LEMD2: variants seen among roughly 807,000 people sequenced by gnomAD.
The protein encoded by LEMD2 is LEM domain nuclear envelope protein 2.
A neutral mutation model predicts 58.8 loss-of-function variants in LEMD2; 34 were observed. The ratio of observed to expected loss-of-function variants is 0.58; its 90% CI spans 0.44 to 0.77. The LOEUF (loss-of-function observed/expected upper bound fraction) is 0.77, where lower values mean the gene tolerates loss of function less well. Among genes scored for constraint, LEMD2 ranks in the 30% least tolerant of loss-of-function variants. The probability of loss-of-function intolerance (pLI) is 0.00; values close to 1 mark genes in which losing one functional copy is unlikely to be tolerated. For missense variants in LEMD2, 629 were observed against 717.9 expected, an observed-to-expected ratio of 0.88 and a Z score of 1.42; for synonymous variants, 298 against 308.9, an observed-to-expected ratio of 0.96 and a Z score of 0.37.
At chr6:33,776,767 C>T (rs1561923024) in intron 8 of LEMD2, 187 bp downstream of exon 8, 1 of 617,726 alleles carries the variant, frequency 1.6e-6, no homozygotes, top group Non-Finnish European at 2.9e-6. Context: ...TCTTTTCTAG[C>T]TCATCCTGCC....
In LEMD2 at chr6:33,788,748, A is replaced by G; in HGVS notation, c.369T>C (p.Pro123=). The part of the protein sequence containing the change: ...SWVGSRGLAY[P]ARPAQLRRRA... The stretch of plus-strand genomic sequence containing the variant: ...GGCGCCTGAGTTGCGCCGGGCGGGC[A>G]GGATAGGCGAGGCCGCGGCTCCCTA... Residue 123 remains proline (P), a synonymous_variant, in exon 1 of 9, where the codon CCT becomes CCC. Coordinates refer to ENST00000293760, the MANE Select transcript of LEMD2 (RefSeq NM_181336.4). 9.7e-6 allele frequency: 14 copies of G among 1,439,592 alleles called. No individual in the cohort carries two copies. The highest frequency in any genetic ancestry group is 1.3e-5 in the Non-Finnish European group (14 of 1,098,048). 89.2% of individuals were successfully genotyped at this position (1,439,592 alleles called of 1,614,324 possible).
At chr6:33,780,993 A>C in intron 4 of LEMD2, 84 bp downstream of exon 4, 3 of 949,290 alleles carry the variant, frequency 3.2e-6, no homozygotes, top group Non-Finnish European at 4.9e-6. Context: ...GCAAACAAAA[A>C]ACAAAAACCC....
At chr6:33,775,984 G>T (rs143667613) in intron 8 of LEMD2, among the ~76,000 whole-genome samples, 1 of 152,088 alleles carries the variant, frequency 6.6e-6, no homozygotes, top group Non-Finnish European at 1.5e-5. Flanking sequence ...GCCAACACTG[G>T]GGGGGGCCCT....
intron 3 of LEMD2, among the ~76,000 whole-genome samples, chr6:33,782,664 T>C (rs1158848886): frequency 6.6e-6 from 1 of 152,242 alleles, no homozygotes; most frequent in East Asian, 1.9e-4. Flanking sequence ...TCTTGTCTAA[T>C]CACATTTTAT....
At chr6:33,780,797 G>A (rs972907642) in intron 4 of LEMD2, among the ~76,000 whole-genome samples, 1 of 152,198 alleles carries the variant, frequency 6.6e-6, no homozygotes, top group Non-Finnish European at 1.5e-5. Flanking sequence ...CGAGCAAAGT[G>A]AACCAAGGGA....
In LEMD2 at chr6:33,789,079, A is replaced by G; in HGVS notation, c.38T>C (p.Leu13Pro). Residue 13 changes from leucine (L) to proline (P), a missense_variant, in exon 1 of 9, where the codon CTG becomes CCG. Leu to Pro is a moderately conservative substitution (Grantham distance 98). Transcript: ENST00000293760. ...GLSDLELRRE[L>P]QALGFQPGPI... is the part of the protein sequence containing the mutation. Reference sequence around the variant, plus strand: ...TCCTGGCTGGAAGCCCAGGGCCTGCAGCTCCCGCCGCAGTTCCAGGTCCGA... The same window carrying G: ...TCCTGGCTGGAAGCCCAGGGCCTGCGGCTCCCGCCGCAGTTCCAGGTCCGA... 2 of 1,541,262 alleles carry G rather than the reference A, an allele frequency of 1.3e-6. No individual in the cohort carries two copies. Among genetic ancestry groups the G allele is most frequent in the Non-Finnish European group, 8.7e-7 (1 of 1,153,848 alleles).
At chr6:33,774,229 T>G (rs1767377146) in intron 8 of LEMD2, among the ~76,000 whole-genome samples, 1 of 145,656 alleles carries the variant, frequency 6.9e-6, no homozygotes, top group South Asian at 2.2e-4. Flanking sequence ...TGGAGTGCAG[T>G]GGTGTGATCT....
Position 33,788,645 on chromosome 6 carries a change from C to T in LEMD2, c.472G>A (p.Ala158Thr), listed in dbSNP as rs1220439539. 4.7e-6 allele frequency: 6 copies of T among 1,275,462 alleles called. No homozygotes were observed. In the Admixed American group the frequency reaches 1.3e-4, roughly 27 times the overall value. The allele number at this position is 1,275,462 out of a possible 1,614,324, so 79.0% of individuals were successfully genotyped here. A position where few individuals can be genotyped will look rare whatever the true frequency, so the allele number is the denominator to read the frequency against. The stretch of plus-strand genomic sequence containing the variant: ...GACGCTGCCCACCAGCGGCGGGCCG[C>T]GAGACCCGGGCCCTGCGTGGCCCTG... ...PDRATQGPGL[A>T]ARRWWAASPA... The change falls in exon 1 of 9, where the codon GCG (alanine) becomes ACG (threonine). Residue 158 changes from alanine to threonine, a missense_variant. Ala to Thr is a moderately conservative substitution (Grantham distance 58). Transcript: ENST00000293760.
In LEMD2 at chr6:33,777,272, C is replaced by T. The variant is rs184356006; in HGVS notation, c.1157-33G>A. The T allele has an allele frequency of 1.2e-4, 166 of 1,419,922 alleles. 1 individual carries two copies. In the East Asian group the frequency reaches 3.1e-3, roughly 26 times the overall value. The allele number at this position is 1,419,922 out of a possible 1,614,324, so 88.0% of individuals were successfully genotyped here. A position where few individuals can be genotyped will look rare whatever the true frequency, so the allele number is the denominator to read the frequency against. Reference sequence around the variant, plus strand: ...GGAACAAAACACTGTTAATCCCTCACACTTCATTTGGCAGTGGGTCTCACC... The same window carrying T: ...GGAACAAAACACTGTTAATCCCTCATACTTCATTTGGCAGTGGGTCTCACC... On this transcript the variant is annotated intron_variant, in intron 6 of 8. Coordinates refer to ENST00000293760, the MANE Select transcript of LEMD2 (RefSeq NM_181336.4).
intron 4 of LEMD2, 177 bp from the exon 5 acceptor site, chr6:33,780,356 A>G: frequency 1.5e-6 from 1 of 652,792 alleles, no homozygotes; most frequent in Non-Finnish European, 2.8e-6. Flanking sequence ...AAGCCAAGGA[A>G]GAGGCTATAA....
chr6:33,783,778 T>C (rs540945674), intron 3 of LEMD2, among the ~76,000 whole-genome samples: 1 of 152,298 alleles, frequency 6.6e-6, no homozygotes, highest in South Asian at 2.1e-4. Flanking sequence ...CTCTCATTTG[T>C]AGAGAACAGA....
At chr6:33,788,292 G>C in intron 1 of LEMD2, 89 bp downstream of exon 1, 1 of 1,333,148 alleles carries the variant, frequency 7.5e-7, no homozygotes. Context: ...AAGGCCGGAA[G>C]TGCGCGGCCT....
Position 33,778,496 on chromosome 6 carries a change from T to C in LEMD2, c.1011-109A>G. 1.2e-6 allele frequency: 1 copy of C among 813,920 alleles called. No individual in the cohort carries two copies. Among genetic ancestry groups the C allele is most frequent in the African/African-American group, 1.7e-5 (1 of 57,270 alleles). 50.4% of individuals were successfully genotyped at this position (813,920 alleles called of 1,614,324 possible). A position where few individuals can be genotyped will look rare whatever the true frequency, so the allele number is the denominator to read the frequency against. On this transcript the variant is annotated intron_variant, in intron 5 of 8. Transcript: ENST00000293760. The surrounding 1 kb of genome is among the most constrained non-coding windows in gnomAD (Gnocchi z 4.7). ...AAGGAAAGTGGGGACGCAAGGCCTCTACTTGCTTATAGAATAGGCTTGGTA... is the reference window on the plus strand; with the variant it reads ...AAGGAAAGTGGGGACGCAAGGCCTCCACTTGCTTATAGAATAGGCTTGGTA...
Position 33,772,536 on chromosome 6 carries a change from G to A in LEMD2, c.*92C>T. 1 of 1,224,334 alleles carries A rather than the reference G, an allele frequency of 8.2e-7. No individual in the cohort carries two copies. The highest frequency in any genetic ancestry group is 1.2e-6 in the Non-Finnish European group (1 of 864,288). The allele number at this position is 1,224,334 out of a possible 1,614,324, so 75.8% of individuals were successfully genotyped here. A position where few individuals can be genotyped will look rare whatever the true frequency, so the allele number is the denominator to read the frequency against. ...CGAGACTGAAAGTCAAGGCAAGTGT[G>A]AATTCAGCACCGCAGGCCTGGTGAC... is the stretch of plus-strand genomic sequence containing the variant. On this transcript the variant is annotated 3_prime_UTR_variant, in exon 9 of 9. Coordinates refer to ENST00000293760, the MANE Select transcript of LEMD2 (RefSeq NM_181336.4).
At chr6:33,780,907 T>C (rs566143538) in intron 4 of LEMD2, among the ~76,000 whole-genome samples, 170 bp downstream of exon 4, 4 of 152,286 alleles carry the variant, frequency 2.6e-5, no homozygotes, top group African/African-American at 4.8e-5. Flanking sequence ...CATGGCTGCC[T>C]TAACTGAAGG....
chr6:33,781,304 G>T, intron 3 of LEMD2, 151 bp from the exon 4 acceptor site: 1 of 612,646 alleles, frequency 1.6e-6, no homozygotes, highest in Non-Finnish European at 2.9e-6. Flanking sequence ...TCACTCTGCA[G>T]CAAGATCAAA....
Position 33,776,815 on chromosome 6 carries a change from G to C in LEMD2, c.1361+139C>G, listed in dbSNP as rs147175817. The C allele has an allele frequency of 1.6e-3, 1,139 of 690,818 alleles. 2 individuals carry two copies. Among genetic ancestry groups the C allele is most frequent in the Middle Eastern group, 6.2e-3 (16 of 2,598 alleles). The allele number at this position is 690,818 out of a possible 1,614,324, so 42.8% of individuals were successfully genotyped here. Reference sequence around the variant, plus strand: ...GCATGCTGGGGAGCAGCAGGAGTGGGAGCAGAGCCACTCTTGGCCCTGGGG... The same window carrying C: ...GCATGCTGGGGAGCAGCAGGAGTGGCAGCAGAGCCACTCTTGGCCCTGGGG... On this transcript the variant is annotated intron_variant, in intron 8 of 8. Coordinates refer to ENST00000293760, the MANE Select transcript of LEMD2 (RefSeq NM_181336.4).
Position 33,772,518 on chromosome 6 carries a change from G to C in LEMD2, c.*110C>G, listed in dbSNP as rs1767323910. ...TTTGGAATCGTGTCAGGACGAGACT[G>C]AAAGTCAAGGCAAGTGTGAATTCAG... On this transcript the variant is annotated 3_prime_UTR_variant, in exon 9 of 9. Transcript: ENST00000293760. The C allele has an allele frequency of 9.6e-7, 1 of 1,042,866 alleles. No homozygotes were observed. 64.6% of individuals were successfully genotyped at this position (1,042,866 alleles called of 1,614,324 possible).
chr6:33,776,772 C>T (rs887118151), intron 8 of LEMD2, 182 bp downstream of exon 8: 2 of 621,548 alleles, frequency 3.2e-6, no homozygotes, highest in Non-Finnish European at 5.8e-6. Context: ...TCTAGCTCAT[C>T]CTGCCATAAA....
Sources: gnomAD v4.1 joint callset for allele counts (sites outside exome capture counted in the v4.1 genomes callset) on GRCh38, gnomAD v4.1.1 for gene constraint, Gnocchi (gnomAD v3.1) non-coding constraint, MANE v1.5 for transcripts, NCBI Gene and HGNC (gene_info 2026-07-23, HGNC 2026-07-21) for gene names.